Variants in ABR observed in about 807,000 individuals in gnomAD.
ABR encodes active breakpoint cluster region-related protein.
Under a neutral mutation model 107.2 loss-of-function variants are expected in ABR, and 35 were observed. The ratio of observed to expected loss-of-function variants is 0.33; its 90% CI spans 0.25 to 0.43. The LOEUF (loss-of-function observed/expected upper bound fraction) is 0.43. Among genes scored for constraint, ABR ranks in the 20% least tolerant of loss-of-function variants. ABR has a pLI of 1.00. For synonymous variants in ABR, 498 were observed against 462.0 expected, an observed-to-expected ratio of 1.08 and a Z score of -1.00; for missense variants, 815 against 1,115.2, an observed-to-expected ratio of 0.73 and a Z score of 3.83.
chr17:1,008,356 G>A (rs1011520179), intron 21 of ABR, among the ~76,000 whole-genome samples: 1 of 152,240 alleles, frequency 6.6e-6, no homozygotes, highest in Non-Finnish European at 1.5e-5. Flanking sequence ...CCTCCAGGCA[G>A]GAGCTGTGGC....
intron 1 of ABR, among the ~76,000 whole-genome samples, chr17:1,207,145 C>G (rs1347976964): frequency 2.0e-5 from 3 of 151,492 alleles, no homozygotes; most frequent in African/African-American, 7.3e-5. Flanking sequence ...GCTACTACTC[C>G]ACAGGCTAAG....
intron 3 of ABR, among the ~76,000 whole-genome samples, chr17:1,097,016 G>A (rs1046262867): frequency 2.0e-5 from 3 of 152,112 alleles, no homozygotes; most frequent in Non-Finnish European, 2.9e-5. Context: ...GGGGGAACCT[G>A]CGCCAGGCAT....
chr17:1,228,952 G>A (rs544499045), exon 1 of ABR: 1 of 151,444 alleles, frequency 6.6e-6, no homozygotes, highest in South Asian at 2.1e-4. Flanking sequence ...TCCGCGGCGA[G>A]GGGCGAGCCC....
intron 2 of ABR, among the ~76,000 whole-genome samples, chr17:1,112,947 T>G (rs1808936): frequency 0.5 from 60,136 of 119,346 alleles, 13,908 homozygotes; most frequent in South Asian, 0.59. Context: ...TCAGCAAGCA[T>G]TTGTTAACCA....
rs150206593 is a variant in ABR at position 1,075,915 on chromosome 17, G to A, written c.701-2238C>T. 3.0e-3 allele frequency among the ~76,000 whole-genome samples: 464 copies of A among 152,206 alleles called. 1 individual carries two copies. The highest frequency in any genetic ancestry group is 4.1e-3 in the Non-Finnish European group (282 of 68,016). ...AAATTAGCCAGGTGTGGTGGCAGGC[G>A]CCTATAATCCCAACTACTTGGGAGG... On this transcript the variant is annotated intron_variant, in intron 6 of 22. Transcript: ENST00000302538.
chr17:1,014,818 C>G lies in ABR; in HGVS notation c.1792-1654G>C, dbSNP rs148304337. ...CGGAGATCACACCACTGCACTCCAG[C>G]CTGGGCGACAGAGTGAGACTCCGTC... On this transcript the variant is annotated intron_variant, in intron 16 of 22. Coordinates refer to ENST00000302538, the MANE Select transcript of ABR (RefSeq NM_021962.5). Among the ~76,000 whole-genome samples the G allele has an allele frequency of 3.7e-3, 559 of 152,202 alleles. 3 individuals carry two copies. Among genetic ancestry groups the G allele is most frequent in the African/African-American group, 0.013 (538 of 41,546 alleles).
intron 1 of ABR, among the ~76,000 whole-genome samples, chr17:1,175,332 A>C (rs2041881182): frequency 6.6e-6 from 1 of 152,274 alleles, no homozygotes; most frequent in East Asian, 1.9e-4. Flanking sequence ...GAATCGCTTG[A>C]ACCGGGGAGG....
chr17:1,198,798 G>A, intron 1 of ABR, among the ~76,000 whole-genome samples: 1 of 82,746 alleles, frequency 1.2e-5, no homozygotes. Context: ...ACCACACCTG[G>A]CAAATTTTTT....
chr17:1,091,928 T>C (rs2037059477), intron 3 of ABR, 78 bp from the exon 4 acceptor site: 19 of 1,438,806 alleles, frequency 1.3e-5, no homozygotes, highest in South Asian at 2.6e-5. Context: ...GGGCCGATCG[T>C]TAGCCCTTCC....
upstream of ABR, among the ~76,000 whole-genome samples, chr17:1,181,487 AGC>A (rs2042132471): frequency 6.6e-6 from 1 of 152,178 alleles, no homozygotes; most frequent in Non-Finnish European, 1.5e-5. Context: ...CTCAGGCACC[AGC>A]GCTGTCTCTT....
chr17:1,067,471 TACC>T (rs1484580719), intron 9 of ABR, among the ~76,000 whole-genome samples: 2 of 152,184 alleles, frequency 1.3e-5, no homozygotes, highest in African/African-American at 4.8e-5. Flanking sequence ...CCCTTCACCT[TACC>T]AGGCTTCTGG....
At chr17:1,128,972 T>C (rs2039710895) in intron 1 of ABR, among the ~76,000 whole-genome samples, 1 of 152,238 alleles carries the variant, frequency 6.6e-6, no homozygotes, top group African/African-American at 2.4e-5. Flanking sequence ...CAAATGCAAT[T>C]TGAGCCTCTG....
At chr17:1,062,073 G>T (rs983195091) in intron 10 of ABR, among the ~76,000 whole-genome samples, 3 of 152,204 alleles carry the variant, frequency 2.0e-5, no homozygotes, top group African/African-American at 7.2e-5. Context: ...CTTCCCAGGG[G>T]TGGTGAGGCC....
At chr17:1,103,139 T>C (rs966234106) in intron 2 of ABR, among the ~76,000 whole-genome samples, 1 of 152,166 alleles carries the variant, frequency 6.6e-6, no homozygotes, top group Non-Finnish European at 1.5e-5. Flanking sequence ...GGGCAATAGT[T>C]ACTTATTGGC....
At chr17:1,125,093 C>G in intron 2 of ABR, 90 bp downstream of exon 2, 6 of 1,377,108 alleles carry the variant, frequency 4.4e-6, no homozygotes, top group Middle Eastern at 2.0e-4. Context: ...CCCAATCTCT[C>G]GAGACCAACC....
chr17:1,012,757 A>G lies in ABR; in HGVS notation c.1892T>C (p.Met631Thr). 1 of 1,598,014 alleles carries G rather than the reference A, an allele frequency of 6.3e-7. No homozygotes were observed. Among genetic ancestry groups the G allele is most frequent in the Non-Finnish European group, 8.5e-7 (1 of 1,171,662 alleles). The change falls in exon 18 of 23, where the codon ATG (methionine) becomes ACG (threonine). Residue 631 changes from methionine (M) to threonine (T), a missense_variant. This residue lies in a region of ABR where 92 missense variants were observed against 82.3 expected (regional missense o/e 1.12). Coordinates refer to ENST00000302538, the MANE Select transcript of ABR (RefSeq NM_021962.5). ...EFSMKFTSRD[M>T]SLKRTPSKKQ... ...TTTGGACGGGGTCCTCTTCAGGCTC[A>G]TATCTCGGCTGGTGAATTTCATGGA...
intron 10 of ABR, 77 bp from the exon 11 acceptor site, chr17:1,058,944 A>G (rs62069680): frequency 0.14 from 218,885 of 1,563,204 alleles, 17,097 homozygotes; most frequent in Non-Finnish European, 0.16. Flanking sequence ...ACGACACTCC[A>G]CTGTGTGTTA....
intron 16 of ABR, among the ~76,000 whole-genome samples, chr17:1,021,195 T>C (rs2071596421): frequency 6.6e-6 from 1 of 152,182 alleles, no homozygotes; most frequent in African/African-American, 2.4e-5. Flanking sequence ...CAGCCTTCAG[T>C]GGACGCCACT....
intron 1 of ABR, among the ~76,000 whole-genome samples, chr17:1,203,081 T>G (rs1455268514): frequency 6.6e-6 from 1 of 152,112 alleles, no homozygotes; most frequent in African/African-American, 2.4e-5. Flanking sequence ...CGACGAGGTT[T>G]CATCATGTTG....
Sources: allele counts gnomAD v4.1 joint callset (sites outside exome capture counted in the v4.1 genomes callset), GRCh38; gene constraint gnomAD v4.1.1; regional missense constraint gnomAD v4.1.1; transcripts MANE v1.5; gene names NCBI Gene and HGNC (gene_info 2026-07-23, HGNC 2026-07-21).